SMURF2: variants seen among roughly 807,000 people sequenced by gnomAD.
The protein encoded by SMURF2 is E3 ubiquitin-protein ligase SMURF2.
A neutral mutation model predicts 109.6 loss-of-function variants in SMURF2; 48 were observed. The observed-to-expected ratio is 0.44, with a 90% CI of 0.35 to 0.56. The LOEUF (loss-of-function observed/expected upper bound fraction) is 0.56, where lower values mean the gene tolerates loss of function less well. Ranked by LOEUF, SMURF2 falls within the 20% of genes least tolerant of loss-of-function variation. SMURF2 has a pLI of 0.01. For missense variants in SMURF2, 575 were observed against 909.0 expected (o/e 0.63, Z 4.72); for synonymous variants, 288 against 317.1 (o/e 0.91, Z 0.97).
intron 7 of SMURF2, among the ~76,000 whole-genome samples, chr17:64,582,513 G>T (rs1555686651): frequency 6.6e-6 from 1 of 152,210 alleles, no homozygotes; most frequent in African/African-American, 2.4e-5. Context: ...GCTCCATGAA[G>T]TGACCATACC....
At chr17:64,546,831 T>C (rs1968960659) in intron 17 of SMURF2, among the ~76,000 whole-genome samples, 1 of 152,234 alleles carries the variant, frequency 6.6e-6, no homozygotes, top group Non-Finnish European at 1.5e-5. Flanking sequence ...TTTATGCATC[T>C]GGGAAGTGTG....
chr17:64,637,195 C>T (rs928096654), intron 1 of SMURF2, among the ~76,000 whole-genome samples: 8 of 150,042 alleles, frequency 5.3e-5, no homozygotes, highest in South Asian at 4.2e-4. Context: ...GGCACGGTCT[C>T]GGCTCACTAC....
intron 10 of SMURF2, among the ~76,000 whole-genome samples, chr17:64,564,818 AT>A (rs1411504388): frequency 6.6e-5 from 10 of 152,224 alleles, no homozygotes; most frequent in African/African-American, 2.4e-4. Flanking sequence ...TGCCTCCAGA[AT>A]TGTGAGAGAA....
At chr17:64,642,564 A>G (rs1408820033) in intron 1 of SMURF2, among the ~76,000 whole-genome samples, 1 of 152,116 alleles carries the variant, frequency 6.6e-6, no homozygotes, top group Non-Finnish European at 1.5e-5. Flanking sequence ...AATTAAGTTT[A>G]CTCTTTTGAA....
At chr17:64,657,892 A>G (rs955263539) in intron 1 of SMURF2, among the ~76,000 whole-genome samples, 3 of 152,200 alleles carry the variant, frequency 2.0e-5, no homozygotes, top group Non-Finnish European at 4.4e-5. Context: ...TACGAATACC[A>G]AACTACAAAA....
chr17:64,651,245 TTAAG>T (rs1367278656), intron 1 of SMURF2, among the ~76,000 whole-genome samples: 2 of 149,926 alleles, frequency 1.3e-5, no homozygotes, highest in African/African-American at 4.9e-5. Context: ...TTTAATAAAA[TTAAG>T]TTTCTTCCTT....
chr17:64,643,110 A>G (rs1177913539), intron 1 of SMURF2, among the ~76,000 whole-genome samples: 3 of 151,920 alleles, frequency 2.0e-5, no homozygotes, highest in African/African-American at 7.3e-5. Context: ...CTGCAGCCTC[A>G]ACTTCCTGGG....
chr17:64,574,888 T>C (rs1378898115), intron 9 of SMURF2, among the ~76,000 whole-genome samples: 5 of 152,168 alleles, frequency 3.3e-5, no homozygotes, highest in African/African-American at 9.7e-5. Flanking sequence ...TCTTTCAACA[T>C]GTAACTCAAG....
intron 2 of SMURF2, among the ~76,000 whole-genome samples, chr17:64,602,370 A>T (rs1969910188): frequency 6.6e-6 from 1 of 152,146 alleles, no homozygotes; most frequent in Non-Finnish European, 1.5e-5. Flanking sequence ...TTCCATACAA[A>T]ATGTGGCTTC....
chr17:64,609,867 C>T (rs1970019668), intron 1 of SMURF2, among the ~76,000 whole-genome samples: 2 of 151,754 alleles, frequency 1.3e-5, no homozygotes, highest in East Asian at 1.9e-4. Context: ...ATCTATCCAT[C>T]TGACAAAGGG....
chr17:64,595,393 A>T (rs1245630258), intron 3 of SMURF2, among the ~76,000 whole-genome samples: 1 of 152,244 alleles, frequency 6.6e-6, no homozygotes, highest in Non-Finnish European at 1.5e-5. Context: ...ATGAAACCTC[A>T]TGTAATATAA....
chr17:64,648,094 A>C (rs1970586046), intron 1 of SMURF2, among the ~76,000 whole-genome samples: 1 of 111,758 alleles, frequency 8.9e-6, no homozygotes, highest in Admixed American at 9.8e-5. Context: ...AAAAAAAAAC[A>C]GGATCTCAAT....
chr17:64,574,170 T>G (rs1969456443), intron 9 of SMURF2, among the ~76,000 whole-genome samples: 1 of 152,214 alleles, frequency 6.6e-6, no homozygotes, highest in Non-Finnish European at 1.5e-5. Context: ...ATTCTACTGA[T>G]AAAATGTAGA....
Position 64,581,369 on chromosome 17 carries a change from T to A in SMURF2, c.570-378A>T, listed in dbSNP as rs951749034. On this transcript the variant is annotated intron_variant, in intron 7 of 18. Coordinates refer to ENST00000262435, the MANE Select transcript of SMURF2 (RefSeq NM_022739.4). This position sits in a 1 kb window ranked among gnomAD's most constrained non-coding sequence, Gnocchi z 4.3. ...GCTTCAGCCACACTCATATTCTTCC[T>A]GTTCCTTGAACTTGCCAAGGTCATT... 1.3e-4 allele frequency among the ~76,000 whole-genome samples: 20 copies of A among 152,220 alleles called. No individual in the cohort carries two copies. The highest frequency in any genetic ancestry group is 2.6e-4 in the Non-Finnish European group (18 of 68,038).
At chr17:64,619,637 A>AGTCAATGT (rs1970176724) in intron 1 of SMURF2, among the ~76,000 whole-genome samples, 1 of 152,070 alleles carries the variant, frequency 6.6e-6, no homozygotes, top group African/African-American at 2.4e-5. Context: ...GTGCCAGCAG[A>AGTCAATGT]GTCAATGTCT....
chr17:64,569,814 G>A (rs782150740), intron 10 of SMURF2, among the ~76,000 whole-genome samples: 1 of 152,148 alleles, frequency 6.6e-6, no homozygotes. Flanking sequence ...AATATTCTAC[G>A]ACATAGCAAT....
chr17:64,546,326 G>A lies in SMURF2; in HGVS notation c.2084C>T (p.Pro695Leu), dbSNP rs967823528. 4 of 1,613,762 alleles carry A rather than the reference G, an allele frequency of 2.5e-6. No individual in the cohort carries two copies. The highest frequency in any genetic ancestry group is 3.4e-6 in the Non-Finnish European group (4 of 1,179,898). Reference sequence around the variant, plus strand: ...AATCTGGTGTATGGTAAAGAGTCTCGGGCCTGCAGCACCTGCAAATGAAGG... The same window carrying A: ...AATCTGGTGTATGGTAAAGAGTCTCAGGCCTGCAGCACCTGCAAATGAAGG... ...GFKALQGAAG[P>L]RLFTIHQIDA... Residue 695 changes from proline to leucine, a missense_variant, in exon 18 of 19, where the codon CCG (proline) becomes CTG (leucine). By Grantham distance (98) the Pro-to-Leu change is moderately conservative. Coordinates refer to ENST00000262435, the MANE Select transcript of SMURF2 (RefSeq NM_022739.4).
rs1277390484 is a variant in SMURF2 at position 64,580,781 on chromosome 17, T to C, written c.772+8A>G. The C allele has an allele frequency of 5.6e-6, 9 of 1,612,720 alleles. No homozygotes were observed. Among genetic ancestry groups the C allele is most frequent in the Non-Finnish European group, 7.6e-6 (9 of 1,178,832 alleles). On this transcript the variant is annotated splice_region_variant and intron_variant, in intron 8 of 18. Coordinates refer to ENST00000262435, the MANE Select transcript of SMURF2 (RefSeq NM_022739.4). ...CCACATTTTATTTTTCCTTTGTAGTTGTCATACCATAGCCTTCTGGTAGGT... is the reference window on the plus strand; with the variant it reads ...CCACATTTTATTTTTCCTTTGTAGTCGTCATACCATAGCCTTCTGGTAGGT...
At chr17:64,560,551 C>A (rs1415665374) in intron 12 of SMURF2, among the ~76,000 whole-genome samples, 1 of 152,096 alleles carries the variant, frequency 6.6e-6, no homozygotes, top group Admixed American at 6.5e-5. Context: ...TTAGGGAAAG[C>A]AGAATTACCA....
Sources: gnomAD v4.1 joint callset for allele counts (sites outside exome capture counted in the v4.1 genomes callset) on GRCh38, gnomAD v4.1.1 for gene constraint, Gnocchi (gnomAD v3.1) non-coding constraint, MANE v1.5 for transcripts, NCBI Gene and HGNC (gene_info 2026-07-23, HGNC 2026-07-21) for gene names.